TLCD4: variants seen among roughly 807,000 people sequenced by gnomAD.
The protein encoded by TLCD4 is TLC domain-containing protein 4.
A neutral mutation model predicts 24.2 loss-of-function variants in TLCD4; 7 were observed. The ratio of observed to expected loss-of-function variants is 0.29; its 90% confidence interval spans 0.16 to 0.54. The LOEUF (loss-of-function observed/expected upper bound fraction) is 0.54, where lower values mean the gene tolerates loss of function less well. Ranked by LOEUF, TLCD4 falls within the 20% of genes least tolerant of loss-of-function variation. TLCD4 has a pLI of 0.95. For missense variants in TLCD4, 259 were observed against 313.9 expected (o/e 0.82, Z 1.32); for synonymous variants, 103 against 106.4 (o/e 0.97, Z 0.20).
At chr1:95,138,883 G>A (rs572904705) in intron 1 of TLCD4, among the ~76,000 whole-genome samples, 2 of 152,040 alleles carry the variant, frequency 1.3e-5, no homozygotes, top group Admixed American at 6.6e-5. Context: ...GTTAAAAAAT[G>A]TAGTATAAAA....
chr1:95,102,031 A>T, the TLCD4 span, among the ~76,000 whole-genome samples: 1 of 152,174 alleles, frequency 6.6e-6, no homozygotes, highest in African/African-American at 2.4e-5. Flanking sequence ...AGAGTAAGAG[A>T]ACGATTTTGA....
At chr1:95,092,792 C>G in the TLCD4 span, among the ~76,000 whole-genome samples, 4 of 152,228 alleles carry the variant, frequency 2.6e-5, no homozygotes. Context: ...CCCACCAATT[C>G]CAGACACACT....
intron 6 of TLCD4, among the ~76,000 whole-genome samples, chr1:95,179,829 T>C (rs1678568851): frequency 6.6e-6 from 1 of 152,190 alleles, no homozygotes; most frequent in African/African-American, 2.4e-5. Context: ...AGCTTGTCCA[T>C]CTACTGGCAA....
At chr1:95,157,307 TATATA>T (rs1343814230) in intron 5 of TLCD4, among the ~76,000 whole-genome samples, 3 of 152,170 alleles carry the variant, frequency 2.0e-5, no homozygotes, top group Non-Finnish European at 4.4e-5. Context: ...CTCATATAAA[TATATA>T]ATATGTATAT....
upstream of TLCD4, among the ~76,000 whole-genome samples, chr1:95,115,138 G>A (rs190232448): frequency 2.7e-5 from 4 of 146,814 alleles, no homozygotes; most frequent in African/African-American, 7.5e-5. Flanking sequence ...ACAGAGTTTC[G>A]CTCTTATTGC....
In TLCD4 at chr1:95,195,421, T is replaced by C. The variant is rs913214199; in HGVS notation, c.*3553T>C. The C allele has an allele frequency of 1.3e-5, 2 of 152,250 alleles. No individual in the cohort carries two copies. The highest frequency in any genetic ancestry group is 4.8e-5 in the African/African-American group (2 of 41,466). The allele number at this position is 152,250 out of a possible 1,614,324, so 9.4% of individuals were successfully genotyped here. A position where few individuals can be genotyped will look rare whatever the true frequency, so the allele number is the denominator to read the frequency against. ...CACGTTTTCTGTTTCTAGGTTGCTC[T>C]TAATTCCAAACATTTAAATAAATGT... On this transcript the variant is annotated 3_prime_UTR_variant, in exon 7 of 7. Transcript: ENST00000370203.
At chr1:95,121,531 C>T (rs1024103935) in intron 1 of TLCD4, among the ~76,000 whole-genome samples, 10 of 152,216 alleles carry the variant, frequency 6.6e-5, no homozygotes, top group Non-Finnish European at 1.3e-4. Flanking sequence ...CGTGTAGTGG[C>T]ACAGTCTTGG....
chr1:95,160,018 A>G (rs1355057587), intron 5 of TLCD4, among the ~76,000 whole-genome samples: 5 of 152,192 alleles, frequency 3.3e-5, no homozygotes, highest in Non-Finnish European at 7.3e-5. Context: ...TGAACTTTAA[A>G]GTAGTTTTTT....
Position 95,197,290 on chromosome 1 carries a change from T to C in TLCD4, c.*5422T>C, listed in dbSNP as rs1372856652. 1 of 152,202 alleles carries C rather than the reference T, an allele frequency of 6.6e-6. No individual in the cohort carries two copies. The highest frequency in any genetic ancestry group is 2.4e-5 in the African/African-American group (1 of 41,464). The allele number at this position is 152,202 out of a possible 1,614,324, so 9.4% of individuals were successfully genotyped here. A position where few individuals can be genotyped will look rare whatever the true frequency, so the allele number is the denominator to read the frequency against. On this transcript the variant is annotated 3_prime_UTR_variant, in exon 7 of 7. Coordinates refer to ENST00000370203, the MANE Select transcript of TLCD4 (RefSeq NM_152487.3). ...TTCTTTATTTTGTTTCCTGGTTGTT[T>C]TATTTGGAGGGATAATAAATGTCTA...
At chr1:95,182,011 AT>A (rs1249717058) in intron 6 of TLCD4, among the ~76,000 whole-genome samples, 2 of 152,192 alleles carry the variant, frequency 1.3e-5, no homozygotes, top group African/African-American at 4.8e-5. Context: ...GGTCTTCTAA[AT>A]GTTGAACATT....
chr1:95,117,298 G>C (rs1255955222), upstream of TLCD4: 1 of 152,322 alleles, frequency 6.6e-6, no homozygotes, highest in African/African-American at 2.4e-5. Flanking sequence ...GCCCACTTTG[G>C]CCAGGGTCGG....
chr1:95,118,802 C>T (rs181843984), intron 1 of TLCD4, among the ~76,000 whole-genome samples: 19 of 152,004 alleles, frequency 1.2e-4, no homozygotes, highest in Admixed American at 2.0e-4. Context: ...TTAAATTGGG[C>T]GAAACGAAAT....
At chr1:95,161,667 C>T (rs1347519565) in intron 5 of TLCD4, among the ~76,000 whole-genome samples, 1 of 152,180 alleles carries the variant, frequency 6.6e-6, no homozygotes, top group Non-Finnish European at 1.5e-5. Flanking sequence ...CTACACCCTG[C>T]TTTAAATGTG....
At chr1:95,171,476 T>C (rs1183803292) in intron 5 of TLCD4, among the ~76,000 whole-genome samples, 4 of 152,182 alleles carry the variant, frequency 2.6e-5, no homozygotes, top group Non-Finnish European at 5.9e-5. Flanking sequence ...ACATTGCCCG[T>C]TGGATTAACT....
At chr1:95,105,618 G>C in the TLCD4 span, among the ~76,000 whole-genome samples, 2 of 152,054 alleles carry the variant, frequency 1.3e-5, no homozygotes, top group Admixed American at 6.6e-5. Context: ...GTGCATGGCC[G>C]GGCGCGGTGG....
intron 1 of TLCD4, among the ~76,000 whole-genome samples, chr1:95,127,250 C>T (rs1453876172): frequency 6.6e-6 from 1 of 152,162 alleles, no homozygotes. Flanking sequence ...TTCAGCCCCT[C>T]TAACTCATTT....
intron 6 of TLCD4, among the ~76,000 whole-genome samples, chr1:95,181,609 T>TA (rs1410113804): frequency 4.6e-5 from 7 of 151,688 alleles, no homozygotes; most frequent in South Asian, 2.1e-4. Flanking sequence ...ATTTATTTTT[T>TA]TTTTTGAGAT....
upstream of TLCD4, among the ~76,000 whole-genome samples, chr1:95,112,493 A>G (rs909891434): frequency 6.6e-6 from 1 of 152,232 alleles, no homozygotes; most frequent in African/African-American, 2.4e-5. Flanking sequence ...CATCAATATG[A>G]CATTTCAGAC....
Position 95,197,037 on chromosome 1 carries a change from AGTG to A in TLCD4, c.*5170_*5172del, listed in dbSNP as rs1557703667. 2 of 152,164 alleles carry A rather than the reference AGTG, an allele frequency of 1.3e-5. No homozygotes were observed. The highest frequency in any genetic ancestry group is 2.9e-5 in the Non-Finnish European group (2 of 68,012). The allele number at this position is 152,164 out of a possible 1,614,324, so 9.4% of individuals were successfully genotyped here. A position where few individuals can be genotyped will look rare whatever the true frequency, so the allele number is the denominator to read the frequency against. On this transcript the variant is annotated 3_prime_UTR_variant, in exon 7 of 7. Coordinates refer to ENST00000370203, the MANE Select transcript of TLCD4 (RefSeq NM_152487.3). ...CTTGGAAAGCAGTAAATAGAACTAT[AGTG>A]ATATATATAGATACATAGATATATA...
Sources: gnomAD v4.1 joint callset for allele counts (sites outside exome capture counted in the v4.1 genomes callset) on GRCh38, gnomAD v4.1.1 for gene constraint, MANE v1.5 for transcripts, NCBI Gene and HGNC (gene_info 2026-07-23, HGNC 2026-07-21) for gene names.